Variants in CACNA1E observed in about 807,000 individuals in gnomAD.
The protein encoded by CACNA1E is calcium voltage-gated channel subunit alpha1 E, also known as voltage-dependent R-type calcium channel subunit alpha-1E.
A neutral mutation model predicts 259.2 loss-of-function variants in CACNA1E; 40 were observed. That is an observed-to-expected ratio of 0.15 (90% confidence interval 0.12 to 0.20). The LOEUF is 0.20. CACNA1E is among the 10% of genes least tolerant of loss of function. CACNA1E has a pLI of 1.00. For synonymous variants in CACNA1E, 1,104 were observed against 1,138.5 expected, an observed-to-expected ratio of 0.97 and a Z score of 0.61; for missense variants, 1,874 against 3,040.1, an observed-to-expected ratio of 0.62 and a Z score of 9.02.
rs192098876 is a variant in CACNA1E, at chr1:181,449,062, G to A, written c.435-34682G>A. On this transcript the variant is annotated intron_variant, in intron 2 of 11. Transcript: ENST00000524607. ...GAGATAGGATGGGGCAGATATGAGC[G>A]GCAAGTTTGGTGGGGCCATTGGCAG... Among the ~76,000 whole-genome samples the A allele has an allele frequency of 2.3e-4, 35 of 152,312 alleles. No individual in the cohort carries two copies. The East Asian group carries it at 6.4e-3, about 28-fold the overall frequency.
At chr1:181,533,968 A>G (rs1325107258) in intron 3 of CACNA1E, among the ~76,000 whole-genome samples, 1 of 152,040 alleles carries the variant, frequency 6.6e-6, no homozygotes, top group African/African-American at 2.4e-5. Context: ...TTTTTAGATT[A>G]TATAGGTAGA....
chr1:181,521,021 C>T (rs1157562760), intron 3 of CACNA1E, among the ~76,000 whole-genome samples: 2 of 152,202 alleles, frequency 1.3e-5, no homozygotes, highest in Admixed American at 1.3e-4. Flanking sequence ...GAAAAGAAGC[C>T]TGAGGTCTGA....
At chr1:181,409,849 C>T (rs998365055) in intron 1 of CACNA1E, among the ~76,000 whole-genome samples, 4 of 152,084 alleles carry the variant, frequency 2.6e-5, no homozygotes, top group Non-Finnish European at 4.4e-5. Flanking sequence ...GCTGGAGCTC[C>T]GCAGTGCATA....
At chr1:181,510,657 C>T (rs1463464181) in intron 2 of CACNA1E, 75 bp downstream of exon 2, 3 of 930,922 alleles carry the variant, frequency 3.2e-6, no homozygotes, top group Admixed American at 3.8e-5. Context: ...TTATCACTCT[C>T]CCATTCCCTT....
chr1:181,741,312 G>A (rs1468203789), intron 25 of CACNA1E, among the ~76,000 whole-genome samples: 2 of 152,142 alleles, frequency 1.3e-5, no homozygotes, highest in Non-Finnish European at 1.5e-5. Flanking sequence ...GAGCCACACA[G>A]CAAAATATTA....
At chr1:181,330,833 G>C (rs1651203257) in intron 1 of CACNA1E, among the ~76,000 whole-genome samples, 1 of 152,188 alleles carries the variant, frequency 6.6e-6, no homozygotes, top group Non-Finnish European at 1.5e-5. Flanking sequence ...CAGTTTCCTT[G>C]ATGTATGTAG....
intron 32 of CACNA1E, among the ~76,000 whole-genome samples, chr1:181,760,127 G>A (rs1462378811): frequency 6.6e-6 from 1 of 152,062 alleles, no homozygotes; most frequent in Non-Finnish European, 1.5e-5. Flanking sequence ...TTCTATGCAT[G>A]TTGATTACTT....
chr1:181,510,449 A>T, intron 1 of CACNA1E, 28 bp from the exon 2 acceptor site: 1 of 1,519,080 alleles, frequency 6.6e-7, no homozygotes, highest in Non-Finnish European at 9.1e-7. Flanking sequence ...CTCTCTGGTG[A>T]ATTTGTTCCT....
chr1:181,457,000 T>C (rs1661503605), intron 2 of CACNA1E, among the ~76,000 whole-genome samples: 1 of 152,230 alleles, frequency 6.6e-6, no homozygotes, highest in Admixed American at 6.5e-5. Flanking sequence ...TTGTGCTCAC[T>C]TTTCTACTGA....
rs576005791 is a variant in CACNA1E, at chr1:181,390,207, G to A, written c.-14-22926G>A. 2.0e-5 allele frequency among the ~76,000 whole-genome samples: 3 copies of A among 152,362 alleles called. 1 individual carries two copies. The South Asian group carries it at 6.2e-4, about 32-fold the overall frequency. On this transcript the variant is annotated intron_variant, in intron 1 of 11. Transcript: ENST00000524607. Reference sequence around the variant, plus strand: ...CCACCTTCCCAAGGGAACAGGATCAGCGATGGCGCCAGGGTTCCCACTGTT... The same window carrying A: ...CCACCTTCCCAAGGGAACAGGATCAACGATGGCGCCAGGGTTCCCACTGTT...
intron 1 of CACNA1E, among the ~76,000 whole-genome samples, chr1:181,338,673 CT>C (rs1651910872): frequency 6.6e-6 from 1 of 152,054 alleles, no homozygotes; most frequent in South Asian, 2.1e-4. Context: ...TGCAGTACCA[CT>C]TGTTTATTTT....
At chr1:181,560,280 G>A (rs192142155) in intron 3 of CACNA1E, among the ~76,000 whole-genome samples, 17 of 135,764 alleles carry the variant, frequency 1.3e-4, no homozygotes, top group Admixed American at 1.5e-4. Flanking sequence ...TATTTCCATT[G>A]GAAAAAAAAT....
chr1:181,781,539 CT>C lies in CACNA1E; in HGVS notation c.5364+19del. 7.5e-7 allele frequency: 1 copy of C among 1,329,240 alleles called. No individual in the cohort carries two copies. Among genetic ancestry groups the C allele is most frequent in the Non-Finnish European group, 1.1e-6 (1 of 934,868 alleles). The allele number at this position is 1,329,240 out of a possible 1,614,324, so 82.3% of individuals were successfully genotyped here. ...GGCATATAAGGTAGACCACCCCTTC[CT>C]TTGCTCTGGGCTACAGACCAACAGG... On this transcript the variant is annotated intron_variant, in intron 39 of 47. Transcript: ENST00000367573.
At chr1:181,444,451 G>C (rs1220459932) in intron 2 of CACNA1E, among the ~76,000 whole-genome samples, 1 of 152,132 alleles carries the variant, frequency 6.6e-6, no homozygotes, top group East Asian at 1.9e-4. Context: ...GAATTGACAG[G>C]GGACATTAAA....
intron 2 of CACNA1E, among the ~76,000 whole-genome samples, chr1:181,432,587 G>C (rs917047620): frequency 2.6e-5 from 4 of 152,144 alleles, no homozygotes; most frequent in Admixed American, 6.5e-5. Context: ...TTTCCACAGA[G>C]AAACCAAATA....
intron 1 of CACNA1E, among the ~76,000 whole-genome samples, chr1:181,505,381 G>GT (rs1011624635): frequency 2.0e-5 from 3 of 150,448 alleles, no homozygotes; most frequent in Non-Finnish European, 3.0e-5. Flanking sequence ...TTTTGTTTTT[G>GT]TTTTTTTTGA....
intron 2 of CACNA1E, among the ~76,000 whole-genome samples, chr1:181,477,481 GTATT>G (rs1165900581): frequency 3.3e-5 from 5 of 152,234 alleles, no homozygotes; most frequent in Non-Finnish European, 5.9e-5. Flanking sequence ...GGATTAATGA[GTATT>G]TGTTAAATGG....
chr1:181,548,374 C>A (rs1052781581), intron 3 of CACNA1E, among the ~76,000 whole-genome samples: 1 of 152,114 alleles, frequency 6.6e-6, no homozygotes, highest in Non-Finnish European at 1.5e-5. Flanking sequence ...GATCCACCTG[C>A]GTTGGCCTCC....
intron 1 of CACNA1E, among the ~76,000 whole-genome samples, chr1:181,382,058 G>A (rs940357723): frequency 3.3e-5 from 5 of 152,194 alleles, no homozygotes; most frequent in African/African-American, 1.2e-4. Flanking sequence ...GAAGCCTGGG[G>A]ACAGCCCCTA....
Sources: allele counts gnomAD v4.1 joint callset (sites outside exome capture counted in the v4.1 genomes callset), GRCh38; gene constraint gnomAD v4.1.1; transcripts MANE v1.5; gene names NCBI Gene and HGNC (gene_info 2026-07-23, HGNC 2026-07-21).